The following MYO3B variants were observed in gnomAD, a reference collection of about 807,000 sequenced individuals.
MYO3B encodes the protein myosin IIIB, also known as myosin-IIIb.
A neutral mutation model predicts 174.6 loss-of-function variants in MYO3B; 156 were observed. The observed-to-expected ratio is 0.89, with a 90% CI of 0.78 to 1.02. MYO3B has a LOEUF of 1.02. Ranked by LOEUF, MYO3B falls within the 50% of genes least tolerant of loss-of-function variation. The pLI is 0.00. For missense variants in MYO3B, 1,632 were observed against 1,639.4 expected (o/e 1.00, Z 0.08); for synonymous variants, 563 against 569.1 (o/e 0.99, Z 0.15).
chr2:170,341,229 C>A (rs2093974910), intron 8 of MYO3B: 1 of 152,092 alleles, frequency 6.6e-6, no homozygotes, highest in South Asian at 2.1e-4. Context: ...ATTGTATTTC[C>A]CTGAAGGCAA....
intron 25 of MYO3B, among the ~76,000 whole-genome samples, chr2:170,486,003 A>AGAGG (rs1412803480): frequency 1.3e-5 from 2 of 148,670 alleles, no homozygotes; most frequent in Non-Finnish European, 1.5e-5. Context: ...TGAGAAAGAA[A>AGAGG]GAGGGAGAGA....
intron 30 of MYO3B, among the ~76,000 whole-genome samples, chr2:170,521,051 G>T (rs901214466): frequency 1.3e-5 from 2 of 152,202 alleles, no homozygotes; most frequent in African/African-American, 4.8e-5. Context: ...AGAGTTCTTT[G>T]CATCTTTTCA....
chr2:170,541,206 A>G lies in MYO3B; in HGVS notation c.3576-1700A>G, dbSNP rs543786458. On this transcript the variant is annotated intron_variant, in intron 30 of 34. Transcript: ENST00000408978. ...TTTTGAGGGGTCAGGAAAGGCATAA[A>G]TTAGGGGTCTGGCAGTAATTCAACA... Among the ~76,000 whole-genome samples the G allele has an allele frequency of 5.9e-5, 9 of 152,298 alleles. No individual in the cohort carries two copies. In the East Asian group the frequency reaches 1.7e-3, roughly 29 times the overall value.
chr2:170,277,881 T>A (rs777678447), intron 7 of MYO3B, among the ~76,000 whole-genome samples: 1 of 152,232 alleles, frequency 6.6e-6, no homozygotes, highest in Non-Finnish European at 1.5e-5. Flanking sequence ...TAAGGGGATA[T>A]GTATTTTAGA....
intron 9 of MYO3B, among the ~76,000 whole-genome samples, chr2:170,374,758 T>TACACACACACATACACAC (rs1166309527): frequency 1.7e-4 from 24 of 140,068 alleles, no homozygotes; most frequent in African/African-American, 6.7e-4. Context: ...TATGCATACA[T>TACACACACACATACACAC]ACACACACAC....
At chr2:170,500,960 C>A (rs1687230158) in intron 27 of MYO3B, among the ~76,000 whole-genome samples, 1 of 152,160 alleles carries the variant, frequency 6.6e-6, no homozygotes, top group Non-Finnish European at 1.5e-5. Flanking sequence ...TATGAAAGCA[C>A]CAGATCTTGA....
intron 6 of MYO3B, among the ~76,000 whole-genome samples, chr2:170,234,694 C>A (rs2093052308): frequency 6.6e-6 from 1 of 152,298 alleles, no homozygotes; most frequent in African/African-American, 2.4e-5. Context: ...CCAAACCTGC[C>A]CCTCCTACTG....
chr2:170,298,394 A>G (rs919256822), intron 7 of MYO3B, among the ~76,000 whole-genome samples: 1 of 152,134 alleles, frequency 6.6e-6, no homozygotes, highest in East Asian at 1.9e-4. Flanking sequence ...GTTGAATTTC[A>G]GGCTGGGTGC....
chr2:170,199,585 TC>T (rs1242161600), intron 2 of MYO3B, among the ~76,000 whole-genome samples, 194 bp downstream of exon 2: 4 of 152,216 alleles, frequency 2.6e-5, no homozygotes, highest in Non-Finnish European at 5.9e-5. Context: ...TTGTTTCTTG[TC>T]CATTTTACTG....
At position 170,654,080 on chromosome 2, in the gene MYO3B, C is replaced by T. The variant is rs191541298; in HGVS notation, c.*959C>T. 101 of 152,244 alleles carry T rather than the reference C, an allele frequency of 6.6e-4. No individual in the cohort carries two copies. The highest frequency in any genetic ancestry group is 2.2e-3 in the African/African-American group (90 of 41,514). 9.4% of individuals were successfully genotyped at this position (152,244 alleles called of 1,614,324 possible). On this transcript the variant is annotated 3_prime_UTR_variant, in exon 35 of 35. Coordinates refer to ENST00000408978, the MANE Select transcript of MYO3B (RefSeq NM_138995.5). ...CAAGCATATCTGACAGGAATGTTAC[C>T]TTCAATTGTATGTTACATATGATTA...
intron 25 of MYO3B, among the ~76,000 whole-genome samples, chr2:170,492,961 T>G (rs1184397570): frequency 6.6e-6 from 1 of 152,186 alleles, no homozygotes; most frequent in African/African-American, 2.4e-5. Flanking sequence ...TACCAAAGAT[T>G]TTTCTTCATT....
intron 25 of MYO3B, among the ~76,000 whole-genome samples, chr2:170,489,634 G>T (rs893722060): frequency 1.4e-5 from 2 of 139,394 alleles, no homozygotes; most frequent in South Asian, 2.4e-4. Flanking sequence ...AACCAGTAGG[G>T]GTGTGTGTGT....
intron 22 of MYO3B, among the ~76,000 whole-genome samples, chr2:170,409,232 T>G (rs2094530266): frequency 6.6e-6 from 1 of 152,222 alleles, no homozygotes; most frequent in Admixed American, 6.5e-5. Flanking sequence ...CCTGGACCAC[T>G]AGGGGGCGCT....
intron 32 of MYO3B, among the ~76,000 whole-genome samples, chr2:170,639,657 T>C (rs1160253023): frequency 1.3e-5 from 2 of 152,202 alleles, no homozygotes; most frequent in African/African-American, 2.4e-5. Flanking sequence ...TTAAACATTT[T>C]CCCCTGGATC....
At chr2:170,516,033 C>T (rs1390527809) in intron 29 of MYO3B, among the ~76,000 whole-genome samples, 1 of 152,062 alleles carries the variant, frequency 6.6e-6, no homozygotes, top group African/African-American at 2.4e-5. Context: ...ATCACTGTTT[C>T]CCCCTAGAAG....
At chr2:170,579,433 G>T (rs1395057370) in intron 32 of MYO3B, among the ~76,000 whole-genome samples, 1 of 152,086 alleles carries the variant, frequency 6.6e-6, no homozygotes, top group Admixed American at 6.5e-5. Flanking sequence ...TTGTTAAATT[G>T]AAATTCTGTT....
intron 8 of MYO3B, among the ~76,000 whole-genome samples, chr2:170,354,310 AG>A (rs1280628396): frequency 2.6e-5 from 4 of 152,070 alleles, no homozygotes; most frequent in Non-Finnish European, 5.9e-5. Flanking sequence ...CCCAGAGCAC[AG>A]TGGCCTGTCT....
intron 7 of MYO3B, among the ~76,000 whole-genome samples, chr2:170,291,179 G>A (rs2093593247): frequency 6.6e-6 from 1 of 151,402 alleles, no homozygotes; most frequent in Admixed American, 6.6e-5. Flanking sequence ...AACCTGGGAG[G>A]CAGAAGCTGC....
intron 27 of MYO3B, among the ~76,000 whole-genome samples, chr2:170,500,677 CA>C (rs1200904185): frequency 6.6e-6 from 1 of 152,120 alleles, no homozygotes; most frequent in East Asian, 1.9e-4. Flanking sequence ...ATAAATGGAC[CA>C]GTGATGTAAA....
Sources: gnomAD v4.1 joint callset for allele counts (sites outside exome capture counted in the v4.1 genomes callset) on GRCh38, gnomAD v4.1.1 for gene constraint, MANE v1.5 for transcripts, NCBI Gene and HGNC (gene_info 2026-07-23, HGNC 2026-07-21) for gene names.